CCDC178: variants seen among roughly 807,000 people sequenced by gnomAD.
CCDC178 encodes coiled-coil domain containing 178.
A neutral mutation model predicts 117.4 loss-of-function variants in CCDC178; 126 were observed. The ratio of observed to expected loss-of-function variants is 1.07; its 90% confidence interval spans 0.93 to 1.24. The LOEUF (loss-of-function observed/expected upper bound fraction) is 1.24, where lower values mean the gene tolerates loss of function less well. CCDC178 is among the 50% of genes most tolerant of loss of function. The pLI is 0.00. For synonymous variants in CCDC178, 283 were observed against 313.4 expected (o/e 0.90, Z 1.02); for missense variants, 1,030 against 986.9 (o/e 1.04, Z -0.59).
intron 11 of CCDC178, among the ~76,000 whole-genome samples, chr18:33,307,853 T>C (rs1221739742): frequency 6.6e-6 from 1 of 152,224 alleles, no homozygotes; most frequent in East Asian, 1.9e-4. Context: ...CACATGGTGT[T>C]GGGCCTGTGG....
At position 33,159,103 on chromosome 18, in the gene CCDC178, C is replaced by T. The variant is rs139759100; in HGVS notation, c.2238+52793G>A. On this transcript the variant is annotated intron_variant, in intron 20 of 22. Coordinates refer to ENST00000383096, the MANE Select transcript of CCDC178 (RefSeq NM_001105528.4). ...ATTCTGCAATACGGAATAATAGAGGCCATGTGATTAATTTATTATGGGTCA... is the reference window on the plus strand; with the variant it reads ...ATTCTGCAATACGGAATAATAGAGGTCATGTGATTAATTTATTATGGGTCA... Among the ~76,000 whole-genome samples the T allele has an allele frequency of 2.9e-3, 437 of 152,078 alleles. 2 individuals are homozygous for T. Among genetic ancestry groups the T allele is most frequent in the Non-Finnish European group, 4.9e-3 (334 of 67,904 alleles).
chr18:33,001,778 T>C (rs79740142), intron 21 of CCDC178, among the ~76,000 whole-genome samples: 1 of 152,058 alleles, frequency 6.6e-6, no homozygotes, highest in African/African-American at 2.4e-5. Context: ...AGAGTGTCTG[T>C]TGCCTACAAG....
In CCDC178 at chr18:33,346,403, A is replaced by G. The variant is rs369689872; in HGVS notation, c.466T>C (p.Cys156Arg). The change falls in exon 9 of 23, where the codon TGT becomes CGT. Residue 156 changes from cysteine (C) to arginine (R), a missense_variant. Coordinates refer to ENST00000383096, the MANE Select transcript of CCDC178 (RefSeq NM_001105528.4). ...TCCATTTCCTGCTTTAACTCTGGAC[A>G]CTTTTCATCTTAAACAGAAATAAAT... ...VKPGEKRDEK[C>R]PELKQEMETL... is the part of the protein sequence containing the mutation. The G allele has an allele frequency of 6.9e-6, 11 of 1,604,958 alleles. No individual in the cohort carries two copies. The highest frequency in any genetic ancestry group is 1.1e-5 in the South Asian group (1 of 90,204).
chr18:33,318,045 G>A (rs929171872), intron 11 of CCDC178, among the ~76,000 whole-genome samples: 4 of 152,220 alleles, frequency 2.6e-5, no homozygotes, highest in African/African-American at 9.6e-5. Context: ...CTGGTTCTGG[G>A]AAGTTGACTA....
chr18:32,950,875 AC>A (rs1300016198), intron 22 of CCDC178, among the ~76,000 whole-genome samples: 1 of 152,224 alleles, frequency 6.6e-6, no homozygotes, highest in Non-Finnish European at 1.5e-5. Context: ...TATAGCTAAT[AC>A]CTTTTCCTAT....
At chr18:33,095,732 A>G (rs1280935900) in intron 20 of CCDC178, among the ~76,000 whole-genome samples, 1 of 151,894 alleles carries the variant, frequency 6.6e-6, no homozygotes, top group Non-Finnish European at 1.5e-5. Context: ...AATATGGCAC[A>G]TTCATTATAC....
chr18:33,076,736 T>C (rs999019599), intron 21 of CCDC178, among the ~76,000 whole-genome samples: 2 of 152,226 alleles, frequency 1.3e-5, no homozygotes, highest in African/African-American at 4.8e-5. Flanking sequence ...CATGCTACCA[T>C]ATTTTCCAGA....
At chr18:33,435,936 A>C (rs890377916) in intron 2 of CCDC178, among the ~76,000 whole-genome samples, 1 of 152,040 alleles carries the variant, frequency 6.6e-6, no homozygotes, top group Non-Finnish European at 1.5e-5. Flanking sequence ...AGAGAGGACC[A>C]CTGAAACTTC....
intron 22 of CCDC178, among the ~76,000 whole-genome samples, chr18:32,942,376 G>A (rs577512983): frequency 2.0e-5 from 3 of 152,162 alleles, no homozygotes; most frequent in African/African-American, 7.2e-5. Flanking sequence ...TCTAAGTGAG[G>A]CATAATCACT....
At chr18:33,006,946 C>T (rs2055763263) in intron 21 of CCDC178, among the ~76,000 whole-genome samples, 1 of 151,996 alleles carries the variant, frequency 6.6e-6, no homozygotes, top group South Asian at 2.1e-4. Context: ...GCCTGGCTGA[C>T]AACTGGATTT....
At chr18:33,299,765 T>C (rs2062151785) in intron 11 of CCDC178, among the ~76,000 whole-genome samples, 1 of 114,076 alleles carries the variant, frequency 8.8e-6, no homozygotes, top group South Asian at 3.7e-4. Flanking sequence ...ATTTCAAACA[T>C]CTCAACAGAA....
At chr18:33,424,942 C>T (rs778577127) in intron 2 of CCDC178, among the ~76,000 whole-genome samples, 6 of 152,262 alleles carry the variant, frequency 3.9e-5, no homozygotes, top group Non-Finnish European at 7.4e-5. Context: ...TGACCCCAGG[C>T]GTGATATTTG....
chr18:33,250,372 A>G (rs1366087055), intron 14 of CCDC178, among the ~76,000 whole-genome samples: 2 of 151,738 alleles, frequency 1.3e-5, no homozygotes, highest in African/African-American at 4.8e-5. Context: ...CATGTTTTAA[A>G]ACTAGTGTCA....
At chr18:33,159,642 G>A (rs1005630239) in intron 20 of CCDC178, among the ~76,000 whole-genome samples, 1 of 151,966 alleles carries the variant, frequency 6.6e-6, no homozygotes, top group East Asian at 1.9e-4. Context: ...AAATAGATCC[G>A]GGTAATCCCC....
intron 21 of CCDC178, among the ~76,000 whole-genome samples, chr18:33,053,212 AATAATCC>A (rs2056774206): frequency 6.6e-6 from 1 of 152,016 alleles, no homozygotes; most frequent in African/African-American, 2.4e-5. Context: ...CGATCCATAA[AATAATCC>A]ATTTACACAG....
At chr18:33,036,491 C>T (rs1462137081) in intron 21 of CCDC178, among the ~76,000 whole-genome samples, 2 of 151,768 alleles carry the variant, frequency 1.3e-5, no homozygotes, top group African/African-American at 4.8e-5. Flanking sequence ...GGAGAGAAAG[C>T]TCTAGGGAAA....
intron 22 of CCDC178, among the ~76,000 whole-genome samples, chr18:32,950,703 C>T (rs1443984638): frequency 1.3e-5 from 2 of 151,974 alleles, no homozygotes. Context: ...TAGTAATAGG[C>T]CCAGTTTAAC....
chr18:33,308,089 C>A (rs2062282719), intron 11 of CCDC178, among the ~76,000 whole-genome samples: 1 of 152,118 alleles, frequency 6.6e-6, no homozygotes, highest in Non-Finnish European at 1.5e-5. Flanking sequence ...TCCTCCAGAC[C>A]CCAGAATAAT....
intron 7 of CCDC178, among the ~76,000 whole-genome samples, chr18:33,349,387 T>C (rs1476402972): frequency 6.6e-6 from 1 of 151,906 alleles, no homozygotes; most frequent in Non-Finnish European, 1.5e-5. Context: ...GATAATAAAC[T>C]TTTAGAAAAA....
Sources: allele counts gnomAD v4.1 joint callset (sites outside exome capture counted in the v4.1 genomes callset), GRCh38; gene constraint gnomAD v4.1.1; transcripts MANE v1.5; gene names NCBI Gene and HGNC (gene_info 2026-07-23, HGNC 2026-07-21).